The following ZNF215 variants were observed in gnomAD, a reference collection of about 807,000 sequenced individuals.
The protein encoded by ZNF215 is zinc finger protein 215, also known as BWSCR2-associated zinc finger protein 2.
ZNF215 carries 24 observed loss-of-function variants against 27.2 expected under a neutral mutation model. That is an observed-to-expected ratio of 0.88 (90% confidence interval 0.64 to 1.24). The LOEUF is 1.24. ZNF215 is among the 50% of genes most tolerant of loss of function. ZNF215 has a pLI of 0.00. For synonymous variants in ZNF215, 210 were observed against 204.0 expected (o/e 1.03, Z -0.25); for missense variants, 675 against 605.7 (o/e 1.11, Z -1.20).
chr11:6,977,760 G>A (rs1180786717), intron 5 of ZNF215, among the ~76,000 whole-genome samples: 2 of 152,008 alleles, frequency 1.3e-5, no homozygotes, highest in East Asian at 3.9e-4. Context: ...CATCCAGTCT[G>A]TGATATTTTG....
At chr11:6,954,609 G>A (rs886840209) in intron 6 of ZNF215, among the ~76,000 whole-genome samples, 1 of 152,246 alleles carries the variant, frequency 6.6e-6, no homozygotes, top group Non-Finnish European at 1.5e-5. Context: ...TAGGGTGGGA[G>A]TGACCCGATT....
intron 5 of ZNF215, among the ~76,000 whole-genome samples, chr11:6,976,988 A>G (rs902469218): frequency 6.6e-6 from 1 of 151,988 alleles, no homozygotes; most frequent in Non-Finnish European, 1.5e-5. Context: ...CACCTTCTCT[A>G]GCTGGCATTC....
chr11:6,947,266 T>C (rs1288969166), intron 6 of ZNF215, among the ~76,000 whole-genome samples: 2 of 152,236 alleles, frequency 1.3e-5, no homozygotes, highest in African/African-American at 4.8e-5. Flanking sequence ...TAATGGATTG[T>C]GGTGGATTAA....
At chr11:6,952,852 T>C (rs533128137) in intron 6 of ZNF215, among the ~76,000 whole-genome samples, 1 of 151,908 alleles carries the variant, frequency 6.6e-6, no homozygotes, top group South Asian at 2.1e-4. Context: ...CAATTTGGCA[T>C]GATTTTGCAG....
At chr11:6,930,704 T>C (rs1849224336) in intron 2 of ZNF215, among the ~76,000 whole-genome samples, 1 of 152,268 alleles carries the variant, frequency 6.6e-6, no homozygotes, top group Admixed American at 6.5e-5. Flanking sequence ...TACTGAGAGC[T>C]TACTGTGTGT....
chr11:6,942,917 C>T (rs1849679294), intron 4 of ZNF215, among the ~76,000 whole-genome samples, 166 bp from the exon 5 acceptor site: 1 of 152,266 alleles, frequency 6.6e-6, no homozygotes, highest in African/African-American at 2.4e-5. Flanking sequence ...TTGGCCCTTA[C>T]TAAAATTTGA....
At chr11:6,932,882 C>T (rs1255988826) in intron 3 of ZNF215, among the ~76,000 whole-genome samples, 3 of 152,116 alleles carry the variant, frequency 2.0e-5, no homozygotes, top group Non-Finnish European at 2.9e-5. Flanking sequence ...TTTGATTTGC[C>T]AGTTAAAAAT....
chr11:6,955,613 A>G (rs1006949095), intron 6 of ZNF215, 77 bp from the exon 7 acceptor site: 40 of 1,489,486 alleles, frequency 2.7e-5, no homozygotes, highest in Non-Finnish European at 2.7e-6. Flanking sequence ...ATATGCATAT[A>G]CCTTATACAG....
exon 6 of ZNF215, chr11:6,984,270 G>A (rs184682584): frequency 5.7e-4 from 135 of 238,118 alleles, no homozygotes; most frequent in Non-Finnish European, 9.9e-4. Context: ...ACCATGCCTA[G>A]CTAATTTTTT....
At chr11:6,962,848 C>T (rs1850543746), downstream of ZNF215, among the ~76,000 whole-genome samples, 1 of 152,112 alleles carries the variant, frequency 6.6e-6, no homozygotes, top group Non-Finnish European at 1.5e-5. Context: ...TGGGCCTAAT[C>T]TTACCAATGA....
intron 5 of ZNF215, among the ~76,000 whole-genome samples, chr11:6,968,517 T>C (rs1248405336): frequency 6.7e-6 from 1 of 149,496 alleles, no homozygotes; most frequent in Admixed American, 6.7e-5. Context: ...GGCTCACATA[T>C]ATGGAGCCTT....
At chr11:6,946,869 G>A (rs1849833050) in intron 6 of ZNF215, among the ~76,000 whole-genome samples, 1 of 152,102 alleles carries the variant, frequency 6.6e-6, no homozygotes, top group Non-Finnish European at 1.5e-5. Flanking sequence ...AAAGACGGAT[G>A]GATAGATATT....
intron 3 of ZNF215, among the ~76,000 whole-genome samples, chr11:6,940,988 C>T (rs781340750): frequency 5.3e-5 from 8 of 152,164 alleles, no homozygotes; most frequent in Non-Finnish European, 1.0e-4. Flanking sequence ...ACTCATGAAT[C>T]TTCCAGAGTG....
intron 5 of ZNF215, among the ~76,000 whole-genome samples, chr11:6,970,886 A>G (rs1391709383): frequency 1.3e-5 from 2 of 152,194 alleles, no homozygotes; most frequent in African/African-American, 4.8e-5. Context: ...TGCACCAAAC[A>G]TGATAAATGA....
chr11:6,943,106 G>C lies in ZNF215; in HGVS notation c.507G>C (p.Val169=), dbSNP rs765856613. 6.2e-7 allele frequency: 1 copy of C among 1,613,702 alleles called. No homozygotes were observed. Among genetic ancestry groups the C allele is most frequent in the South Asian group, 1.1e-5 (1 of 90,984 alleles). Residue 169 remains valine (V), a synonymous_variant, in exon 5 of 7, where the codon GTG becomes GTC. Transcript: ENST00000278319. The part of the protein sequence containing the change: ...KPQEPVTFKD[V]VVEFSKEEWG... The stretch of plus-strand genomic sequence containing the variant: ...AGGAACCAGTGACATTCAAAGATGT[G>C]GTTGTGGAATTCAGCAAGGAAGAGT...
intron 6 of ZNF215, among the ~76,000 whole-genome samples, chr11:6,951,524 G>T (rs372825969): frequency 6.6e-6 from 1 of 152,130 alleles, no homozygotes; most frequent in Non-Finnish European, 1.5e-5. Context: ...TTTGCATAGA[G>T]GTGTTTGTAG....
At chr11:6,960,730 A>G (rs567263805), downstream of ZNF215, among the ~76,000 whole-genome samples, 4 of 152,280 alleles carry the variant, frequency 2.6e-5, no homozygotes, top group Admixed American at 6.5e-5. Flanking sequence ...GTGGAATTAA[A>G]TGATTAAGAG....
At chr11:6,966,533 A>T (rs138413856) in intron 5 of ZNF215, among the ~76,000 whole-genome samples, 10 of 152,224 alleles carry the variant, frequency 6.6e-5, no homozygotes, top group African/African-American at 2.4e-4. Flanking sequence ...TAAGTTGTGG[A>T]ATCTATAGGC....
rs1849284808 is a variant in ZNF215, at chr11:6,932,183, A to G, written c.-90A>G. ...AATAACTTGGCTTAAATCACACTGC[A>G]TATAGTACACAGGTGCTTAGCTCAA... On this transcript the variant is annotated 5_prime_UTR_variant, in exon 3 of 7. Transcript: ENST00000278319. 1.3e-6 allele frequency: 2 copies of G among 1,495,444 alleles called. No individual in the cohort carries two copies. The highest frequency in any genetic ancestry group is 1.4e-5 in the African/African-American group (1 of 71,218). 92.6% of individuals were successfully genotyped at this position (1,495,444 alleles called of 1,614,324 possible).
Sources: allele counts gnomAD v4.1 joint callset (sites outside exome capture counted in the v4.1 genomes callset), GRCh38; gene constraint gnomAD v4.1.1; transcripts MANE v1.5; gene names NCBI Gene and HGNC (gene_info 2026-07-23, HGNC 2026-07-21).